TPR: variants seen among roughly 807,000 people sequenced by gnomAD.
TPR encodes the protein translocated promoter region, nuclear basket protein, also known as nucleoprotein TPR.
TPR carries 51 observed loss-of-function variants against 316.1 expected under a neutral mutation model. The ratio of observed to expected loss-of-function variants is 0.16; its 90% CI spans 0.13 to 0.20. TPR has a LOEUF of 0.20. Ranked by LOEUF, TPR falls within the 10% of genes least tolerant of loss-of-function variation. The probability of loss-of-function intolerance (pLI) is 1.00; values close to 1 mark genes in which losing one functional copy is unlikely to be tolerated. For synonymous variants in TPR, 981 were observed against 914.7 expected (o/e 1.07, Z -1.31); for missense variants, 2,272 against 2,754.8 (o/e 0.82, Z 3.92).
At chr1:186,321,574 A>C (rs1043281197) in intron 45 of TPR, among the ~76,000 whole-genome samples, 1 of 152,224 alleles carries the variant, frequency 6.6e-6, no homozygotes, top group African/African-American at 2.4e-5. Flanking sequence ...GTCTACTCTC[A>C]TAAGTTATGA....
intron 9 of TPR, 84 bp from the exon 10 acceptor site, chr1:186,360,989 C>T: frequency 7.4e-7 from 1 of 1,342,594 alleles, no homozygotes; most frequent in African/African-American, 1.5e-5. Flanking sequence ...GTCACTTCTC[C>T]CCTCAGCAGA....
rs1158999118 is a variant in TPR at position 186,341,174 on chromosome 1, A to C, written c.3889-15T>G. The C allele has an allele frequency of 1.2e-6, 2 of 1,612,868 alleles. No individual in the cohort carries two copies. Among genetic ancestry groups the C allele is most frequent in the African/African-American group, 2.7e-5 (2 of 74,826 alleles). ...AGTTTCCTCACCTGAAAATCATGCC[A>C]ATATTTAACAACAAATGTAAAAATT... On this transcript the variant is annotated splice_polypyrimidine_tract_variant and intron_variant, in intron 28 of 50. Coordinates refer to ENST00000367478, the MANE Select transcript of TPR (RefSeq NM_003292.3).
intron 4 of TPR, among the ~76,000 whole-genome samples, chr1:186,364,436 G>A (rs888585802): frequency 5.3e-5 from 8 of 151,778 alleles, no homozygotes; most frequent in South Asian, 4.1e-4. Context: ...CTGCAGCTAC[G>A]CCAGCAAGCA....
At chr1:186,317,404 T>C in intron 49 of TPR, 78 bp downstream of exon 49, 1 of 1,077,068 alleles carries the variant, frequency 9.3e-7, no homozygotes, top group South Asian at 1.3e-5. Flanking sequence ...GATTATTAAT[T>C]TGTTACTAAT....
intron 10 of TPR, 147 bp downstream of exon 10, chr1:186,360,618 T>G: frequency 1.8e-6 from 2 of 1,121,190 alleles, no homozygotes; most frequent in South Asian, 3.1e-5. Context: ...GTAAGAGTAT[T>G]AATTTTAAAA....
In TPR at chr1:186,325,812, T is replaced by C. The variant is rs766633488; in HGVS notation, c.6064A>G (p.Met2022Val). The C allele has an allele frequency of 4.3e-6, 7 of 1,613,738 alleles. No homozygotes were observed. Among genetic ancestry groups the C allele is most frequent in the East Asian group, 2.2e-5 (1 of 44,850 alleles). The change falls in exon 42 of 51, where the codon ATG becomes GTG. Residue 2022 changes from methionine (M) to valine (V), a missense_variant. By Grantham distance (21) the Met-to-Val change is conservative (BLOSUM62 1). This residue lies in a region of TPR where 435 missense variants were observed against 461.1 expected (regional missense o/e 0.94). Coordinates refer to ENST00000367478, the MANE Select transcript of TPR (RefSeq NM_003292.3). ...CTGTGATTACCTTCACCTCCACCCA[T>C]ACTTTCTTCTGTTTCTGTACCTGGA... ...TDPGTETEES[M>V]GGGEGNHRAA... is the part of the protein sequence containing the mutation.
At chr1:186,351,954 C>A (rs767546677) in intron 19 of TPR, 22 bp downstream of exon 19, 1 of 1,571,908 alleles carries the variant, frequency 6.4e-7, no homozygotes, top group Non-Finnish European at 8.6e-7. Flanking sequence ...ATTTTTTCTA[C>A]ATAGGCTTTT....
At position 186,333,366 on chromosome 1, in the gene TPR, A is replaced by G. The variant is rs778748340; in HGVS notation, c.5211T>C (p.His1737=). ...EAMQSEGPVE[H]VPVFGSTSGS... ...CACTTGTGCTTCCAAAAACTGGAAC[A>G]TGTTCCACAGGCCCTTCTGACTGCA... Residue 1737 remains histidine, a synonymous_variant, in exon 37 of 51, where the codon CAT becomes CAC. Coordinates refer to ENST00000367478, the MANE Select transcript of TPR (RefSeq NM_003292.3). 11 of 1,613,418 alleles carry G rather than the reference A, an allele frequency of 6.8e-6. No individual in the cohort carries two copies. Among genetic ancestry groups the G allele is most frequent in the South Asian group, 5.5e-5 (5 of 91,078 alleles).
intron 16 of TPR, 30 bp from the exon 17 acceptor site, chr1:186,355,588 ACT>A (rs1659005031): frequency 6.2e-7 from 1 of 1,613,422 alleles, no homozygotes; most frequent in African/African-American, 1.3e-5. Flanking sequence ...AGAAGGTAAC[ACT>A]GTGTTCTCTA....
At chr1:186,350,447 A>T in intron 20 of TPR, 59 bp from the exon 21 acceptor site, 1 of 1,325,336 alleles carries the variant, frequency 7.5e-7, no homozygotes. Flanking sequence ...AAAGGTTCAA[A>T]CTATCTTTTT....
At position 186,358,612 on chromosome 1, in the gene TPR, G is replaced by C; in HGVS notation, c.1428C>G (p.Asn476Lys). Residue 476 changes from asparagine to lysine, a missense_variant, in exon 13 of 51, where the codon AAC becomes AAG. Physicochemically the swap from Asn to Lys is moderately conservative, Grantham distance 94. Transcript: ENST00000367478. ...CTCTCTCAAGTACAGATGATTGCTT[G>C]TTGGCTTTATCAGTGTCCTCCTGCA... ...QRLQEDTDKA[N>K]KQSSVLERDN... is the part of the protein sequence containing the mutation. 6.2e-7 allele frequency: 1 copy of C among 1,612,300 alleles called. No homozygotes were observed. Among genetic ancestry groups the C allele is most frequent in the Non-Finnish European group, 8.5e-7 (1 of 1,179,214 alleles).
chr1:186,329,975 A>G (rs566678351), intron 39 of TPR, among the ~76,000 whole-genome samples: 1 of 152,286 alleles, frequency 6.6e-6, no homozygotes, highest in African/African-American at 2.4e-5. Context: ...ACACTACTTT[A>G]TCTGGGTATC....
At chr1:186,362,702 T>C (rs1040299872) in intron 6 of TPR, 135 bp downstream of exon 6, 3 of 803,894 alleles carry the variant, frequency 3.7e-6, no homozygotes, top group Admixed American at 6.6e-5. Flanking sequence ...TTACGCCAAA[T>C]GTAATGCATT....
At chr1:186,333,088 G>A (rs1658221728) in intron 37 of TPR, 34 bp downstream of exon 37, 1 of 1,606,542 alleles carries the variant, frequency 6.2e-7, no homozygotes, top group Non-Finnish European at 8.5e-7. Flanking sequence ...AAATGCATAG[G>A]TCTACTCTGA....
chr1:186,348,930 G>A (rs193040223), intron 21 of TPR, among the ~76,000 whole-genome samples: 209 of 152,130 alleles, frequency 1.4e-3, no homozygotes, highest in Middle Eastern at 6.8e-3. Context: ...TTATCTACTA[G>A]ATAATTATAC....
chr1:186,328,511 G>A (rs1380546587), intron 39 of TPR, among the ~76,000 whole-genome samples: 1 of 151,992 alleles, frequency 6.6e-6, no homozygotes, highest in East Asian at 1.9e-4. Flanking sequence ...CAATGGCCAG[G>A]GCGGTTAGTG....
intron 27 of TPR, 133 bp downstream of exon 27, chr1:186,343,193 T>C: frequency 8.2e-7 from 1 of 1,218,660 alleles, no homozygotes; most frequent in Non-Finnish European, 1.1e-6. Context: ...GTTTAACAAA[T>C]GCTTAATGAA....
chr1:186,349,132 T>TAC (rs1322664564), intron 21 of TPR, among the ~76,000 whole-genome samples: 3 of 152,204 alleles, frequency 2.0e-5, no homozygotes, highest in Non-Finnish European at 4.4e-5. Context: ...TAGCCTAGAC[T>TAC]ACCTTAAATG....
chr1:186,323,901 T>A, intron 42 of TPR, 31 bp from the exon 43 acceptor site: 1 of 1,514,652 alleles, frequency 6.6e-7, no homozygotes, highest in Non-Finnish European at 8.7e-7. Flanking sequence ...ACTTTTGAAC[T>A]GCTAAATTTA....
Sources: gnomAD v4.1 joint callset for allele counts (sites outside exome capture counted in the v4.1 genomes callset) on GRCh38, gnomAD v4.1.1 for gene constraint, gnomAD v4.1.1 regional missense constraint, MANE v1.5 for transcripts, NCBI Gene and HGNC (gene_info 2026-07-23, HGNC 2026-07-21) for gene names.